Variants in TMC2 observed in about 807,000 individuals in gnomAD.
TMC2 encodes transmembrane channel-like protein 2.
Under a neutral mutation model 105.9 loss-of-function variants are expected in TMC2, and 102 were observed. That is an observed-to-expected ratio of 0.96 (90% confidence interval 0.82 to 1.14). The LOEUF (loss-of-function observed/expected upper bound fraction) is 1.14. Ranked by LOEUF, TMC2 falls within the 50% of genes most tolerant of loss-of-function variation. The pLI is 0.00. For synonymous variants in TMC2, 402 were observed against 422.8 expected, an observed-to-expected ratio of 0.95 and a Z score of 0.60; for missense variants, 1,093 against 1,134.3, an observed-to-expected ratio of 0.96 and a Z score of 0.52.
In TMC2 at chr20:2,573,691, C is replaced by A. The variant is rs6115004; in HGVS notation, c.645+1422C>A. Among the ~76,000 whole-genome samples, 217 of 147,334 alleles carry A rather than the reference C, an allele frequency of 1.5e-3. 4 individuals carry two copies. The highest frequency in any genetic ancestry group is 0.012 in the Admixed American group (175 of 14,922). Reference sequence around the variant, plus strand: ...TTCTCCTGCCTCAGCCTCCCGAGTACCTGGGACTACAGGCGCCCGCCACCA... The same window carrying A: ...TTCTCCTGCCTCAGCCTCCCGAGTAACTGGGACTACAGGCGCCCGCCACCA... On this transcript the variant is annotated intron_variant, in intron 5 of 19. Coordinates refer to ENST00000358864, the MANE Select transcript of TMC2 (RefSeq NM_080751.3).
chr20:2,636,069 T>C (rs2086641084), intron 18 of TMC2, 65 bp downstream of exon 18: 1 of 1,402,944 alleles, frequency 7.1e-7, no homozygotes, highest in African/African-American at 1.4e-5. Flanking sequence ...TTTTGCTAAT[T>C]TGCTGTGTGA....
chr20:2,604,577 G>GT lies in TMC2; in HGVS notation c.1413+2285dup, dbSNP rs554784919. On this transcript the variant is annotated intron_variant, in intron 11 of 19. Coordinates refer to ENST00000358864, the MANE Select transcript of TMC2 (RefSeq NM_080751.3). Reference sequence around the variant, plus strand: ...CCTTGGAATCTCTAAAGTGATCAGTGTTTTTTTTTGTATGCTAGTAAGATG... The same window carrying GT: ...CCTTGGAATCTCTAAAGTGATCAGTGTTTTTTTTTTGTATGCTAGTAAGATG... Among the ~76,000 whole-genome samples the GT allele has an allele frequency of 1.6e-3, 236 of 151,344 alleles. 1 individual carries two copies. In the Middle Eastern group the frequency reaches 0.021, roughly 13 times the overall value.
chr20:2,573,987 T>C (rs902442734), intron 5 of TMC2, among the ~76,000 whole-genome samples: 2 of 152,226 alleles, frequency 1.3e-5, no homozygotes, highest in Non-Finnish European at 2.9e-5. Context: ...ACAGCATCAA[T>C]TGATAATGGT....
chr20:2,601,762 C>T (rs1004093300), intron 10 of TMC2, among the ~76,000 whole-genome samples: 2 of 152,102 alleles, frequency 1.3e-5, no homozygotes, highest in Non-Finnish European at 2.9e-5. Context: ...ATCACTTGAA[C>T]CCAGGAGGTG....
intron 12 of TMC2, among the ~76,000 whole-genome samples, chr20:2,611,513 G>A (rs2086438052): frequency 6.6e-6 from 1 of 152,066 alleles, no homozygotes; most frequent in Non-Finnish European, 1.5e-5. Context: ...TTGACTAGTT[G>A]ACTAATCCTT....
In TMC2 at chr20:2,598,017, A is replaced by C. The variant is rs150570620; in HGVS notation, c.1224+719A>C. On this transcript the variant is annotated intron_variant, in intron 10 of 19. Coordinates refer to ENST00000358864, the MANE Select transcript of TMC2 (RefSeq NM_080751.3). ...AACTGGCCTGGAGTAGGGTCCTGACATTGGTTTTTCAAAAGCTCCCCAAGT... is the reference window on the plus strand; with the variant it reads ...AACTGGCCTGGAGTAGGGTCCTGACCTTGGTTTTTCAAAAGCTCCCCAAGT... Among the ~76,000 whole-genome samples, 352 of 152,266 alleles carry C rather than the reference A, an allele frequency of 2.3e-3. 2 individuals are homozygous for C. The highest frequency in any genetic ancestry group is 7.8e-3 in the African/African-American group (322 of 41,532).
intron 5 of TMC2, among the ~76,000 whole-genome samples, chr20:2,573,710 G>A (rs556460756): frequency 1.4e-4 from 21 of 149,034 alleles, no homozygotes; most frequent in African/African-American, 3.5e-4. Context: ...ACAGGCGCCC[G>A]CCACCACGCC....
At chr20:2,536,894 T>C (rs111447922) in intron 1 of TMC2, among the ~76,000 whole-genome samples, 1,971 of 152,296 alleles carry the variant, frequency 0.013, 39 homozygotes, top group African/African-American at 0.044. Context: ...AGACAACCTG[T>C]GCACAGCACC....
chr20:2,594,721 T>C (rs913548164), intron 8 of TMC2, 104 bp from the exon 9 acceptor site: 3 of 1,256,850 alleles, frequency 2.4e-6, no homozygotes, highest in East Asian at 4.7e-5. Flanking sequence ...GCCCTTAGAT[T>C]CGGTTAAGAC....
At chr20:2,611,618 C>T (rs2086438812) in intron 12 of TMC2, among the ~76,000 whole-genome samples, 1 of 152,192 alleles carries the variant, frequency 6.6e-6, no homozygotes, top group Non-Finnish European at 1.5e-5. Flanking sequence ...GAGAATTTCT[C>T]ACAGCTCGTA....
At position 2,536,668 on chromosome 20, in the gene TMC2, C is replaced by T; in HGVS notation, c.34+13C>T. On this transcript the variant is annotated intron_variant, in intron 1 of 19. Coordinates refer to ENST00000358864, the MANE Select transcript of TMC2 (RefSeq NM_080751.3). ...CTGAAAGAGGAAGGTGAGTCCACGT[C>T]CTGATCCTGCGGGGCCCGCCCACAG... 6.4e-7 allele frequency: 1 copy of T among 1,569,948 alleles called. No individual in the cohort carries two copies. Among genetic ancestry groups the T allele is most frequent in the Non-Finnish European group, 8.6e-7 (1 of 1,157,294 alleles).
At chr20:2,634,513 T>G (rs538002048) in intron 17 of TMC2, among the ~76,000 whole-genome samples, 1 of 152,198 alleles carries the variant, frequency 6.6e-6, no homozygotes, top group Non-Finnish European at 1.5e-5. Context: ...GATGACATGA[T>G]AGTGACAATC....
intron 4 of TMC2, among the ~76,000 whole-genome samples, chr20:2,569,877 C>CTA (rs2086090672): frequency 6.6e-6 from 1 of 152,156 alleles, no homozygotes; most frequent in Non-Finnish European, 1.5e-5. Context: ...TCCAGAGGGG[C>CTA]CCCAGACACA....
chr20:2,548,322 A>C (rs2085936499), intron 2 of TMC2, among the ~76,000 whole-genome samples: 2 of 152,254 alleles, frequency 1.3e-5, no homozygotes, highest in South Asian at 4.1e-4. Context: ...TTTAGTAATC[A>C]ATGTTTCAGA....
rs2086696938 is a variant in TMC2 at position 2,642,641 on chromosome 20, G to A, written c.*1290G>A. 6.6e-6 allele frequency among the ~76,000 whole-genome samples: 1 copy of A among 152,206 alleles called. No individual in the cohort carries two copies. The highest frequency in any genetic ancestry group is 2.4e-5 in the African/African-American group (1 of 41,446). Reference sequence around the variant, plus strand: ...CTTAGGGGGAAGAAGCCAGGGGCCAGACCATTAAGAAGGCCTTGATGGCAA... The same window carrying A: ...CTTAGGGGGAAGAAGCCAGGGGCCAAACCATTAAGAAGGCCTTGATGGCAA... On this transcript the variant is annotated 3_prime_UTR_variant, in exon 20 of 20. Transcript: ENST00000358864.
rs1382041923 is a variant in TMC2 at position 2,615,512 on chromosome 20, C to T, written c.1873-625C>T. ...GGGCTTTAGCATGCTTCATGAGGAC[C>T]CTCATATCCTCAGTGCTCACAGATT... On this transcript the variant is annotated intron_variant, in intron 14 of 19. Coordinates refer to ENST00000358864, the MANE Select transcript of TMC2 (RefSeq NM_080751.3). 2.0e-5 allele frequency among the ~76,000 whole-genome samples: 3 copies of T among 152,166 alleles called. No individual in the cohort carries two copies. In the East Asian group the frequency reaches 5.8e-4, roughly 29 times the overall value.
In TMC2 at chr20:2,542,848, C is replaced by T. The variant is rs150961356; in HGVS notation, c.82+5532C>T. Among the ~76,000 whole-genome samples the T allele has an allele frequency of 3.2e-4, 48 of 151,736 alleles. 1 individual carries two copies. The East Asian group carries it at 9.1e-3, about 29-fold the overall frequency. On this transcript the variant is annotated intron_variant, in intron 2 of 19. Transcript: ENST00000358864. ...CTGGGACTACAGGCGAGCACTACCA[C>T]GCTTGGCTAATTTTTATATTTTTAG...
At chr20:2,608,122 T>A (rs1289365908) in intron 11 of TMC2, among the ~76,000 whole-genome samples, 3 of 130,466 alleles carry the variant, frequency 2.3e-5, no homozygotes, top group Admixed American at 7.4e-5. Context: ...AAAACTGTCT[T>A]AAAAAAAAAA....
At chr20:2,561,454 A>T in intron 3 of TMC2, among the ~76,000 whole-genome samples, 1 of 152,342 alleles carries the variant, frequency 6.6e-6, no homozygotes, top group Middle Eastern at 3.4e-3. Flanking sequence ...ATCTCTAATA[A>T]TTTTATATTG....
Sources: allele counts gnomAD v4.1 joint callset (sites outside exome capture counted in the v4.1 genomes callset), GRCh38; gene constraint gnomAD v4.1.1; transcripts MANE v1.5; gene names NCBI Gene and HGNC (gene_info 2026-07-23, HGNC 2026-07-21).